Variants in SLC24A3 observed in about 807,000 individuals in gnomAD.
SLC24A3 encodes the protein solute carrier family 24 member 3.
Under a neutral mutation model 75.8 loss-of-function variants are expected in SLC24A3, and 28 were observed. The ratio of observed to expected loss-of-function variants is 0.37; its 90% CI spans 0.27 to 0.51. The LOEUF is 0.51. Among genes scored for constraint, SLC24A3 ranks in the 20% least tolerant of loss-of-function variants. The pLI, the probability that SLC24A3 is intolerant of heterozygous loss-of-function variation, is 0.94. For synonymous variants in SLC24A3, 372 were observed against 334.1 expected, an observed-to-expected ratio of 1.11 and a Z score of -1.24; for missense variants, 663 against 847.8, an observed-to-expected ratio of 0.78 and a Z score of 2.71.
intron 2 of SLC24A3, among the ~76,000 whole-genome samples, chr20:19,369,687 A>AT (rs1985958748): frequency 6.6e-6 from 1 of 152,096 alleles, no homozygotes; most frequent in Non-Finnish European, 1.5e-5. Context: ...GTGAATTTCC[A>AT]TTTTTTGATA....
chr20:19,636,922 G>A lies in SLC24A3; in HGVS notation c.613-17140G>A, dbSNP rs149981810. On this transcript the variant is annotated intron_variant, in intron 6 of 16. Coordinates refer to ENST00000328041, the MANE Select transcript of SLC24A3 (RefSeq NM_020689.4). ...ATTAGTATTCTCAGAGAGCTTCACA[G>A]GGATATTGAAGCCATAAAACAAGAA... Among the ~76,000 whole-genome samples, 6 of 152,296 alleles carry A rather than the reference G, an allele frequency of 3.9e-5. No homozygotes were observed. The East Asian group carries it at 1.2e-3, about 29-fold the overall frequency.
chr20:19,431,295 G>A (rs1987098577), intron 2 of SLC24A3, among the ~76,000 whole-genome samples: 1 of 152,068 alleles, frequency 6.6e-6, no homozygotes, highest in African/African-American at 2.4e-5. Context: ...GGGCAAGGGA[G>A]CTGGGGGAGG....
intron 2 of SLC24A3, among the ~76,000 whole-genome samples, chr20:19,369,745 G>A (rs6136693): frequency 0.082 from 12,525 of 152,100 alleles, 1,213 homozygotes; most frequent in East Asian, 0.29. Context: ...TAGGAAATAC[G>A]CTAAAATACT....
At chr20:19,265,057 C>T (rs1983122088) in intron 1 of SLC24A3, among the ~76,000 whole-genome samples, 1 of 152,170 alleles carries the variant, frequency 6.6e-6, no homozygotes, top group Non-Finnish European at 1.5e-5. Context: ...GTTGGAAAAC[C>T]CAAACCAGGA....
intron 3 of SLC24A3, among the ~76,000 whole-genome samples, chr20:19,550,800 G>T (rs1457579010): frequency 6.6e-6 from 1 of 152,088 alleles, no homozygotes; most frequent in African/African-American, 2.4e-5. Context: ...GTAAAGCCAG[G>T]CAGTAATGAA....
chr20:19,703,452 A>C (rs540222064), intron 15 of SLC24A3, among the ~76,000 whole-genome samples: 1 of 152,344 alleles, frequency 6.6e-6, no homozygotes, highest in Non-Finnish European at 1.5e-5. Flanking sequence ...ATTTGTTTAA[A>C]TAGAGAATAA....
chr20:19,654,641 C>CTTTT (rs34507566), intron 7 of SLC24A3, among the ~76,000 whole-genome samples: 25 of 89,938 alleles, frequency 2.8e-4, no homozygotes, highest in Non-Finnish European at 3.3e-4. Flanking sequence ...AAATAGAATC[C>CTTTT]TTTTTTTTTT....
intron 2 of SLC24A3, among the ~76,000 whole-genome samples, chr20:19,458,068 GGCA>G (rs1383760260): frequency 6.6e-6 from 1 of 152,106 alleles, no homozygotes; most frequent in Non-Finnish European, 1.5e-5. Flanking sequence ...AGCCTAGGTT[GGCA>G]GGGCAGGGTG....
At chr20:19,219,772 C>T (rs564608332) in intron 1 of SLC24A3, among the ~76,000 whole-genome samples, 34 of 152,232 alleles carry the variant, frequency 2.2e-4, no homozygotes, top group African/African-American at 7.9e-4. Flanking sequence ...AATGAAATAC[C>T]ATTTCTCAAT....
chr20:19,677,906 C>T (rs1003586630), intron 9 of SLC24A3, among the ~76,000 whole-genome samples: 2 of 151,608 alleles, frequency 1.3e-5, no homozygotes, highest in African/African-American at 2.4e-5. Flanking sequence ...GTGGTGATGA[C>T]TCTTAACGAG....
Position 19,396,939 on chromosome 20 carries a change from G to C in SLC24A3, c.271+115852G>C, listed in dbSNP as rs547585040. Among the ~76,000 whole-genome samples, 3 of 152,292 alleles carry C rather than the reference G, an allele frequency of 2.0e-5. No homozygotes were observed. The East Asian group carries it at 5.8e-4, about 29-fold the overall frequency. On this transcript the variant is annotated intron_variant, in intron 2 of 16. Coordinates refer to ENST00000328041, the MANE Select transcript of SLC24A3 (RefSeq NM_020689.4). ...TCAACAGAACTGAATTCTGCTTCAG[G>C]ATATGTACCCACGGCCTGTGTTAGT...
chr20:19,553,067 T>TTCTCTCCC (rs2030723911), intron 3 of SLC24A3, among the ~76,000 whole-genome samples: 2 of 98,976 alleles, frequency 2.0e-5, no homozygotes, highest in Non-Finnish European at 4.2e-5. Context: ...CCCTCCTTCC[T>TTCTCTCCC]TCCCTCCCTC....
At chr20:19,514,142 C>G (rs1044353898) in intron 2 of SLC24A3, among the ~76,000 whole-genome samples, 1 of 152,198 alleles carries the variant, frequency 6.6e-6, no homozygotes. Flanking sequence ...AAGCAGTGAC[C>G]GATGGCTTGT....
intron 2 of SLC24A3, among the ~76,000 whole-genome samples, chr20:19,417,790 G>T (rs536159258): frequency 1.3e-5 from 2 of 152,184 alleles, no homozygotes; most frequent in African/African-American, 2.4e-5. Context: ...GGCATCAGCC[G>T]AGGTGAGGAT....
intron 15 of SLC24A3, among the ~76,000 whole-genome samples, chr20:19,701,553 A>T (rs1184406753): frequency 2.6e-5 from 4 of 152,050 alleles, no homozygotes; most frequent in Non-Finnish European, 5.9e-5. Context: ...ACTTCCTTAA[A>T]AAATATTTAG....
At chr20:19,720,493 G>A (rs1568710875) in intron 16 of SLC24A3, among the ~76,000 whole-genome samples, 1 of 152,058 alleles carries the variant, frequency 6.6e-6, no homozygotes, top group Non-Finnish European at 1.5e-5. Flanking sequence ...GTGTTTTTAG[G>A]GAGGAGAGAA....
intron 2 of SLC24A3, chr20:19,355,151 C>T (rs564816258): frequency 6.6e-6 from 1 of 152,342 alleles, no homozygotes; most frequent in East Asian, 1.9e-4. Flanking sequence ...GCTCTCCATG[C>T]CTGTCCTCCA....
At chr20:19,463,266 G>T (rs6081603) in intron 2 of SLC24A3, among the ~76,000 whole-genome samples, 76,009 of 151,916 alleles carry the variant, frequency 0.5, 19,844 homozygotes, top group Non-Finnish European at 0.57. Flanking sequence ...CATTCATCTT[G>T]CCTTATAACA....
chr20:19,713,386 G>T (rs2033010107), intron 15 of SLC24A3, among the ~76,000 whole-genome samples: 1 of 152,170 alleles, frequency 6.6e-6, no homozygotes, highest in Non-Finnish European at 1.5e-5. Flanking sequence ...AGTACATTGG[G>T]CAGAGACCAC....
Sources: gnomAD v4.1 joint callset for allele counts (sites outside exome capture counted in the v4.1 genomes callset) on GRCh38, gnomAD v4.1.1 for gene constraint, MANE v1.5 for transcripts, NCBI Gene and HGNC (gene_info 2026-07-23, HGNC 2026-07-21) for gene names.